Variants in TEX38 observed in about 807,000 individuals in gnomAD.
The protein encoded by TEX38 is testis expressed 38, also known as testis-expressed protein 38.
Under a neutral mutation model 2.7 loss-of-function variants are expected in TEX38, and 5 were observed. The observed-to-expected ratio is 1.86, with a 90% CI of 0.97 to 3.90. The LOEUF is 3.90. Among genes scored for constraint, TEX38 ranks in the 30% most tolerant of loss-of-function variants. The pLI, the probability that TEX38 is intolerant of heterozygous loss-of-function variation, is 0.00. For synonymous variants in TEX38, 110 were observed against 103.3 expected, an observed-to-expected ratio of 1.06 and a Z score of -0.39; for missense variants, 218 against 247.9, an observed-to-expected ratio of 0.88 and a Z score of 0.81.
rs959204198 is a variant in TEX38, at chr1:46,671,942, C to T, written c.8C>T (p.Ser3Phe). The T allele has an allele frequency of 1.9e-6, 3 of 1,548,676 alleles. No individual in the cohort carries two copies. The highest frequency in any genetic ancestry group is 2.6e-6 in the Non-Finnish European group (3 of 1,145,254). ...GTACCAAAGCTCAGCTGTATGGATT[C>T]CCAACAGGAGGACCTGCGCTTCCCT... Reference protein sequence around the residue: MDSQQEDLRFPGM... With the variant: MDFQQEDLRFPGM... The change falls in exon 1 of 2, where the codon TCC becomes TTC. Residue 3 changes from serine (S) to phenylalanine (F), a missense_variant. By Grantham distance (155) the Ser-to-Phe change is radical. Transcript: ENST00000334122.
rs1043875593 is a variant in TEX38, at chr1:46,673,518, C to T, written c.*62C>T. ...GTGCAGAGTAGGAAATGGAACTAAC[C>T]TCAGGAAGGTGGTATTGACAGAGGT... On this transcript the variant is annotated 3_prime_UTR_variant, in exon 2 of 2. Transcript: ENST00000334122. The T allele has an allele frequency of 7.1e-7, 1 of 1,399,256 alleles. No individual in the cohort carries two copies. Among genetic ancestry groups the T allele is most frequent in the African/African-American group, 1.4e-5 (1 of 69,540 alleles). The allele number at this position is 1,399,256 out of a possible 1,614,324, so 86.7% of individuals were successfully genotyped here.
At chr1:46,672,829 C>G in intron 1 of TEX38, 44 bp from the exon 2 acceptor site, 1 of 1,501,720 alleles carries the variant, frequency 6.7e-7, no homozygotes, top group Non-Finnish European at 9.0e-7. Context: ...CCCCAAGCTA[C>G]AGCTATCAGC....
intron 1 of TEX38, among the ~76,000 whole-genome samples, chr1:46,672,631 C>A (rs543314195): frequency 6.6e-6 from 1 of 152,290 alleles, no homozygotes; most frequent in East Asian, 1.9e-4. Context: ...CATGCCCCCG[C>A]TAGACCTAGC....
At chr1:46,672,022 GACAA>G (rs771332301) in intron 1 of TEX38, 51 bp downstream of exon 1, 26 of 1,476,974 alleles carry the variant, frequency 1.8e-5, no homozygotes, top group Admixed American at 6.9e-5. Context: ...AGGGCTTGGG[GACAA>G]ACACTCAGGG....
intron 1 of TEX38, 92 bp from the exon 2 acceptor site, chr1:46,672,781 C>T: frequency 8.7e-7 from 1 of 1,150,802 alleles, no homozygotes; most frequent in Non-Finnish European, 1.2e-6. Context: ...GCGATTGATG[C>T]ATGGGTTAAG....
chr1:46,670,181 G>C (rs574367312), upstream of TEX38, among the ~76,000 whole-genome samples: 1 of 152,286 alleles, frequency 6.6e-6, no homozygotes, highest in East Asian at 1.9e-4. Context: ...ATCCAAGTGA[G>C]AGATGGTGGT....
rs1469846107 is a variant in TEX38, at chr1:46,673,329, T to C, written c.494T>C (p.Leu165Pro). The change falls in exon 2 of 2, where the codon CTG becomes CCG. Residue 165 changes from leucine (L) to proline (P), a missense_variant. Coordinates refer to ENST00000334122, the MANE Select transcript of TEX38 (RefSeq NM_001145474.4). Reference protein sequence around the residue: ...FAPPLCNLPPLLNHSVSYPLA... With the variant: ...FAPPLCNLPPPLNHSVSYPLA... ...CCACCCTTGTGCAACCTACCCCCCC[T>C]GCTGAACCACTCTGTCTCCTATCCT... is the stretch of plus-strand genomic sequence containing the variant. The C allele has an allele frequency of 6.4e-7, 1 of 1,551,348 alleles. No homozygotes were observed. The highest frequency in any genetic ancestry group is 8.7e-7 in the Non-Finnish European group (1 of 1,146,694).
chr1:46,672,093 T>A, intron 1 of TEX38, 122 bp downstream of exon 1: 2 of 931,752 alleles, frequency 2.1e-6, no homozygotes. Flanking sequence ...GCTAAGCAGT[T>A]AGGAGATAGT....
At position 46,673,537 on chromosome 1, in the gene TEX38, C is replaced by A; in HGVS notation, c.*81C>A. 7.9e-7 allele frequency: 1 copy of A among 1,266,540 alleles called. No individual in the cohort carries two copies. The highest frequency in any genetic ancestry group is 1.1e-6 in the Non-Finnish European group (1 of 933,426). The allele number at this position is 1,266,540 out of a possible 1,614,324, so 78.5% of individuals were successfully genotyped here. ...ACTAACCTCAGGAAGGTGGTATTGACAGAGGTCAGGACCCACCTGGATGTC... is the reference window on the plus strand; with the variant it reads ...ACTAACCTCAGGAAGGTGGTATTGAAAGAGGTCAGGACCCACCTGGATGTC... On this transcript the variant is annotated 3_prime_UTR_variant, in exon 2 of 2. Coordinates refer to ENST00000334122, the MANE Select transcript of TEX38 (RefSeq NM_001145474.4).
rs1300910505 is a variant in TEX38 at position 46,673,498 on chromosome 1, G to A, written c.*42G>A. ...GTGGGAGCTGCAGGAATCAGGTGCAGAGTAGGAAATGGAACTAACCTCAGG... is the reference window on the plus strand; with the variant it reads ...GTGGGAGCTGCAGGAATCAGGTGCAAAGTAGGAAATGGAACTAACCTCAGG... On this transcript the variant is annotated 3_prime_UTR_variant, in exon 2 of 2. Transcript: ENST00000334122. 3 of 1,491,842 alleles carry A rather than the reference G, an allele frequency of 2.0e-6. No homozygotes were observed. In the East Asian group the frequency reaches 7.4e-5, roughly 37 times the overall value. 92.4% of individuals were successfully genotyped at this position (1,491,842 alleles called of 1,614,324 possible). A position where few individuals can be genotyped will look rare whatever the true frequency, so the allele number is the denominator to read the frequency against.
rs1676618240 is a variant in TEX38 at position 46,673,082 on chromosome 1, ACGGG to A, written c.249_252del (p.Gly84LeufsTer82). On this transcript the variant is annotated frameshift_variant, in exon 2 of 2. Transcript: ENST00000334122. LOFTEE classifies it low-confidence loss of function (END_TRUNC). ...CTACGGCATGAATGCAGCCATCAAC[ACGGG>A]CCCTGCCCCTGCTGTCACCAAGACT... 1 of 1,551,642 alleles carries A rather than the reference ACGGG, an allele frequency of 6.4e-7. No homozygotes were observed. Among genetic ancestry groups the A allele is most frequent in the African/African-American group, 1.4e-5 (1 of 73,044 alleles).
chr1:46,673,495 G>T lies in TEX38; in HGVS notation c.*39G>T. Reference sequence around the variant, plus strand: ...AAGGTGGGAGCTGCAGGAATCAGGTGCAGAGTAGGAAATGGAACTAACCTC... The same window carrying T: ...AAGGTGGGAGCTGCAGGAATCAGGTTCAGAGTAGGAAATGGAACTAACCTC... On this transcript the variant is annotated 3_prime_UTR_variant, in exon 2 of 2. Coordinates refer to ENST00000334122, the MANE Select transcript of TEX38 (RefSeq NM_001145474.4). The T allele has an allele frequency of 6.7e-7, 1 of 1,496,600 alleles. No individual in the cohort carries two copies. 92.7% of individuals were successfully genotyped at this position (1,496,600 alleles called of 1,614,324 possible).
At position 46,673,590 on chromosome 1, in the gene TEX38, A is replaced by G; in HGVS notation, c.*134A>G. On this transcript the variant is annotated 3_prime_UTR_variant, in exon 2 of 2. Transcript: ENST00000334122. ...GCTATGAAACATTAAAAGAAAAAAA[A>G]AAAAGTCCAAGGCTCCCTCGTTTCT... 1.3e-6 allele frequency: 1 copy of G among 750,780 alleles called. No homozygotes were observed. The highest frequency in any genetic ancestry group is 2.0e-6 in the Non-Finnish European group (1 of 509,324). 46.5% of individuals were successfully genotyped at this position (750,780 alleles called of 1,614,324 possible).
Position 46,673,049 on chromosome 1 carries a change from C to T in TEX38, c.214C>T (p.Arg72Ter), listed in dbSNP as rs904893843. The T allele has an allele frequency of 1.9e-5, 29 of 1,551,616 alleles. No homozygotes were observed. The Admixed American group carries it at 2.0e-4, about 10-fold the overall frequency. ...CCCATTGTTGTACTGGATTAACAAG[C>T]GACGGCGCTACGGCATGAATGCAGC... ...YSPLLYWINK[R>*]RRYGMNAAIN... is the part of the protein sequence containing the mutation. Residue 72 changes from arginine to a stop codon, truncating the protein, a stop_gained, in exon 2 of 2, where the codon CGA becomes TGA. Transcript: ENST00000334122. LOFTEE classifies it low-confidence loss of function (END_TRUNC).
At chr1:46,672,767 T>G in intron 1 of TEX38, 106 bp from the exon 2 acceptor site, 1 of 983,124 alleles carries the variant, frequency 1.0e-6, no homozygotes, top group Non-Finnish European at 1.5e-6. Flanking sequence ...GTTAAGTGGA[T>G]GGAGCGATTG....
chr1:46,672,724 A>G (rs1282545528), intron 1 of TEX38, 149 bp from the exon 2 acceptor site: 1 of 717,756 alleles, frequency 1.4e-6, no homozygotes, highest in Non-Finnish European at 2.3e-6. Context: ...TGATGAGGCA[A>G]GTCAATAAGG....
chr1:46,671,770 A>G, upstream of TEX38: 1 of 723,872 alleles, frequency 1.4e-6, no homozygotes, highest in Non-Finnish European at 2.5e-6. Context: ...CACTGCCCCT[A>G]GAATGCCCAA....
At chr1:46,669,950 T>G (rs1676559832), upstream of TEX38, among the ~76,000 whole-genome samples, 1 of 152,220 alleles carries the variant, frequency 6.6e-6, no homozygotes. Context: ...CTATATGTTT[T>G]AAGCAGTGGA....
chr1:46,672,001 A>G, intron 1 of TEX38, 30 bp downstream of exon 1: 1 of 1,505,460 alleles, frequency 6.6e-7, no homozygotes, highest in Non-Finnish European at 8.9e-7. Flanking sequence ...CTGTCACTGG[A>G]CTTGTGCCTT....
Sources: allele counts gnomAD v4.1 joint callset (sites outside exome capture counted in the v4.1 genomes callset), GRCh38; gene constraint gnomAD v4.1.1; transcripts MANE v1.5; gene names NCBI Gene and HGNC (gene_info 2026-07-23, HGNC 2026-07-21).